Variants in OSBPL6 observed in about 807,000 individuals in gnomAD.
OSBPL6 encodes oxysterol-binding protein-related protein 6.
OSBPL6 carries 49 observed loss-of-function variants against 125.8 expected under a neutral mutation model. The ratio of observed to expected loss-of-function variants is 0.39; its 90% CI spans 0.31 to 0.49. OSBPL6 has a LOEUF of 0.49. OSBPL6 is among the 20% of genes least tolerant of loss of function. The pLI is 0.88. For synonymous variants in OSBPL6, 394 were observed against 391.8 expected (o/e 1.01, Z -0.07); for missense variants, 986 against 1,135.4 (o/e 0.87, Z 1.89).
At chr2:178,212,160 C>T (rs1462910405) in intron 1 of OSBPL6, among the ~76,000 whole-genome samples, 1 of 152,166 alleles carries the variant, frequency 6.6e-6, no homozygotes, top group South Asian at 2.1e-4. Context: ...ACAAATTGCC[C>T]TCTGAAGCTC....
chr2:178,388,010 G>GA (rs201366429), intron 20 of OSBPL6, among the ~76,000 whole-genome samples: 4,784 of 141,874 alleles, frequency 0.034, 208 homozygotes, highest in African/African-American at 0.11. Context: ...TCTCAAAAAA[G>GA]AAAAAAAAAA....
At chr2:178,329,301 GA>G (rs1688978501) in intron 5 of OSBPL6, among the ~76,000 whole-genome samples, 2 of 152,234 alleles carry the variant, frequency 1.3e-5, no homozygotes, top group Middle Eastern at 3.4e-3. Flanking sequence ...AAATTATAGA[GA>G]AAATATTTTT....
chr2:178,197,272 A>G (rs181518608), intron 1 of OSBPL6, among the ~76,000 whole-genome samples: 2 of 152,372 alleles, frequency 1.3e-5, no homozygotes, highest in East Asian at 1.9e-4. Flanking sequence ...TGTTTTGCAT[A>G]TATGTCTGTT....
At chr2:178,393,814 T>A (rs1695612366) in intron 23 of OSBPL6, among the ~76,000 whole-genome samples, 1 of 152,202 alleles carries the variant, frequency 6.6e-6, no homozygotes, top group African/African-American at 2.4e-5. Context: ...TCTTTTCTCA[T>A]CAGTTTTGCC....
At position 178,391,255 on chromosome 2, in the gene OSBPL6, C is replaced by T. The variant is rs150837431; in HGVS notation, c.2446+38C>T. 3.2e-4 allele frequency: 490 copies of T among 1,541,324 alleles called. 9 individuals carry two copies. In the East Asian group the frequency reaches 0.011, roughly 35 times the overall value. On this transcript the variant is annotated intron_variant, in intron 22 of 24. Coordinates refer to ENST00000190611, the MANE Select transcript of OSBPL6 (RefSeq NM_032523.4). Reference sequence around the variant, plus strand: ...TGAGTGTTCTGCCAACAGGAGGGCACTATGGACAACAGAAGGGAAGAGAAC... The same window carrying T: ...TGAGTGTTCTGCCAACAGGAGGGCATTATGGACAACAGAAGGGAAGAGAAC...
chr2:178,371,957 T>C (rs1693430943), intron 13 of OSBPL6, among the ~76,000 whole-genome samples, 169 bp from the exon 14 acceptor site: 2 of 152,186 alleles, frequency 1.3e-5, no homozygotes, highest in Admixed American at 1.3e-4. Flanking sequence ...ATACCTTAAT[T>C]TTGAGCCATT....
intron 1 of OSBPL6, among the ~76,000 whole-genome samples, chr2:178,221,383 T>C (rs899529880): frequency 4.6e-5 from 7 of 152,168 alleles, no homozygotes; most frequent in African/African-American, 1.7e-4. Context: ...CTTGAAAGAA[T>C]GCATTGTAAA....
chr2:178,209,993 A>G (rs377089206), intron 1 of OSBPL6, among the ~76,000 whole-genome samples: 2 of 152,036 alleles, frequency 1.3e-5, no homozygotes, highest in Non-Finnish European at 2.9e-5. Flanking sequence ...GATAAAGACT[A>G]TAAGTAAATT....
chr2:178,250,690 C>A (rs2091662390), intron 1 of OSBPL6, among the ~76,000 whole-genome samples: 3 of 152,176 alleles, frequency 2.0e-5, no homozygotes, highest in Admixed American at 1.3e-4. Context: ...TTCTGCTCCT[C>A]CTCCTGGTCT....
intron 1 of OSBPL6, among the ~76,000 whole-genome samples, chr2:178,269,340 C>CT (rs1240240968): frequency 6.6e-6 from 1 of 152,140 alleles, no homozygotes; most frequent in Non-Finnish European, 1.5e-5. Flanking sequence ...TTTGGGACTA[C>CT]TATTAATGTT....
At chr2:178,224,564 A>G (rs771916139) in intron 1 of OSBPL6, among the ~76,000 whole-genome samples, 14 of 152,340 alleles carry the variant, frequency 9.2e-5, no homozygotes, top group Non-Finnish European at 1.9e-4. Context: ...GAATGACACC[A>G]TTCAGAATTA....
chr2:178,210,163 G>A (rs2089778573), intron 1 of OSBPL6, among the ~76,000 whole-genome samples: 1 of 151,962 alleles, frequency 6.6e-6, no homozygotes, highest in Admixed American at 6.6e-5. Context: ...GGGATTACAG[G>A]TGCCTGCCAC....
rs2090169542 is a variant in OSBPL6, at chr2:178,218,218, G to T, written c.-351+23544G>T. On this transcript the variant is annotated intron_variant, in intron 1 of 24. Transcript: ENST00000190611. ...GACTGTGCTTTTGAAAAGGAGGTTG[G>T]AAGGTGTTAAAGATTTTATTTTACA... Among the ~76,000 whole-genome samples the T allele has an allele frequency of 1.3e-5, 2 of 152,268 alleles. 1 individual carries two copies. The highest frequency in any genetic ancestry group is 4.8e-5 in the African/African-American group (2 of 41,546).
intron 3 of OSBPL6, among the ~76,000 whole-genome samples, chr2:178,308,614 T>G (rs968915374): frequency 1.3e-5 from 2 of 152,204 alleles, no homozygotes; most frequent in Admixed American, 6.5e-5. Context: ...TTAAATGCAC[T>G]GCCGCTTGAG....
At chr2:178,311,759 A>G (rs540215163) in intron 3 of OSBPL6, among the ~76,000 whole-genome samples, 1 of 152,298 alleles carries the variant, frequency 6.6e-6, no homozygotes, top group Admixed American at 6.5e-5. Flanking sequence ...TTTTGAGAGT[A>G]AATGAAGGAT....
intron 18 of OSBPL6, among the ~76,000 whole-genome samples, chr2:178,384,480 T>C (rs1164268160): frequency 6.6e-6 from 1 of 152,162 alleles, no homozygotes; most frequent in Admixed American, 6.5e-5. Flanking sequence ...ATTGATTCTG[T>C]CCAGAAAGGT....
intron 11 of OSBPL6, among the ~76,000 whole-genome samples, chr2:178,340,193 G>A (rs1438346387): frequency 1.3e-5 from 2 of 151,998 alleles, no homozygotes; most frequent in African/African-American, 2.4e-5. Flanking sequence ...AGGTTCAATA[G>A]ATTAGAAATC....
At chr2:178,364,791 C>G (rs982906131) in intron 13 of OSBPL6, among the ~76,000 whole-genome samples, 1 of 152,150 alleles carries the variant, frequency 6.6e-6, no homozygotes, top group Non-Finnish European at 1.5e-5. Flanking sequence ...ATGGATGCCC[C>G]TGCATATCAG....
At chr2:178,205,699 A>C (rs143703571) in intron 1 of OSBPL6, among the ~76,000 whole-genome samples, 1 of 152,356 alleles carries the variant, frequency 6.6e-6, no homozygotes, top group East Asian at 1.9e-4. Context: ...TGCCCAAGTC[A>C]CTTTTAGGTC....
Sources: gnomAD v4.1 joint callset for allele counts (sites outside exome capture counted in the v4.1 genomes callset) on GRCh38, gnomAD v4.1.1 for gene constraint, MANE v1.5 for transcripts, NCBI Gene and HGNC (gene_info 2026-07-23, HGNC 2026-07-21) for gene names.